The following XKR9 variants were observed in gnomAD, a reference collection of about 807,000 sequenced individuals.
The protein encoded by XKR9 is XK-related protein 9.
In XKR9, 32 loss-of-function variants were observed where a neutral mutation model predicts 32.0. The observed-to-expected ratio is 1.00, with a 90% CI of 0.76 to 1.34. The LOEUF is 1.34. Ranked by LOEUF, XKR9 falls within the 40% of genes most tolerant of loss-of-function variation. The pLI, the probability that XKR9 is intolerant of heterozygous loss-of-function variation, is 0.00. For synonymous variants in XKR9, 168 were observed against 143.4 expected (o/e 1.17, Z -1.22); for missense variants, 546 against 429.7 (o/e 1.27, Z -2.39).
chr8:70,844,392 G>C, the XKR9 span, among the ~76,000 whole-genome samples: 1 of 152,162 alleles, frequency 6.6e-6, no homozygotes, highest in Non-Finnish European at 1.5e-5. Context: ...TAACCCAAGA[G>C]CCTGAGAACT....
chr8:70,676,689 C>A (rs1425289312), intron 2 of XKR9, among the ~76,000 whole-genome samples: 2 of 152,100 alleles, frequency 1.3e-5, no homozygotes, highest in East Asian at 3.9e-4. Context: ...GGAAATTATT[C>A]TTTCCATCTT....
the XKR9 span, among the ~76,000 whole-genome samples, chr8:71,023,920 G>C: frequency 6.6e-6 from 1 of 152,192 alleles, no homozygotes; most frequent in African/African-American, 2.4e-5. Context: ...TGAGTGGCAT[G>C]CTTGGGCACT....
the XKR9 span, among the ~76,000 whole-genome samples, chr8:70,886,184 T>C: frequency 3.3e-5 from 5 of 152,214 alleles, no homozygotes; most frequent in African/African-American, 1.2e-4. Flanking sequence ...AATGATCGTT[T>C]CCAGCTTCAT....
the XKR9 span, among the ~76,000 whole-genome samples, chr8:70,833,028 A>G: frequency 6.6e-6 from 1 of 152,206 alleles, no homozygotes; most frequent in Non-Finnish European, 1.5e-5. Context: ...CTATATGATT[A>G]TCCTTTTGCA....
intron 4 of XKR9, among the ~76,000 whole-genome samples, chr8:70,732,657 G>T (rs979842566): frequency 6.6e-6 from 1 of 152,170 alleles, no homozygotes; most frequent in Non-Finnish European, 1.5e-5. Context: ...GCAGGAGACT[G>T]GAGTTTTTTT....
chr8:70,851,863 A>G, the XKR9 span, among the ~76,000 whole-genome samples: 3 of 152,264 alleles, frequency 2.0e-5, no homozygotes, highest in Non-Finnish European at 4.4e-5. Context: ...CATTCAGAGC[A>G]TAGGCATGGG....
the XKR9 span, among the ~76,000 whole-genome samples, chr8:70,908,401 C>T: frequency 2.0e-5 from 3 of 152,076 alleles, no homozygotes; most frequent in African/African-American, 7.2e-5. Context: ...CAGTGGTTCT[C>T]AACATTGACT....
chr8:70,700,794 C>A (rs1805497118), intron 3 of XKR9, among the ~76,000 whole-genome samples: 1 of 152,186 alleles, frequency 6.6e-6, no homozygotes, highest in Admixed American at 6.5e-5. Context: ...AGAGGTGGAG[C>A]CTACAGAGGC....
chr8:70,851,450 A>G, the XKR9 span, among the ~76,000 whole-genome samples: 8 of 152,194 alleles, frequency 5.3e-5, no homozygotes, highest in African/African-American at 1.9e-4. Flanking sequence ...TTCATATGGA[A>G]CCAAAAAAGA....
the XKR9 span, among the ~76,000 whole-genome samples, chr8:71,047,098 T>C: frequency 6.6e-6 from 1 of 152,240 alleles, no homozygotes; most frequent in Admixed American, 6.5e-5. Flanking sequence ...GTTAGATTTA[T>C]ATACAAACAA....
At chr8:71,052,296 G>A in the XKR9 span, among the ~76,000 whole-genome samples, 16 of 152,176 alleles carry the variant, frequency 1.1e-4, no homozygotes, top group African/African-American at 1.4e-4. Context: ...TATAGTTAGA[G>A]AGGCTGTCTT....
At chr8:70,703,005 C>T (rs1015944601) in intron 3 of XKR9, among the ~76,000 whole-genome samples, 2 of 152,064 alleles carry the variant, frequency 1.3e-5, no homozygotes, top group African/African-American at 2.4e-5. Context: ...CTCTATTTTT[C>T]AGGCTTTCTT....
chr8:70,866,379 A>G, the XKR9 span, among the ~76,000 whole-genome samples: 1 of 152,246 alleles, frequency 6.6e-6, no homozygotes, highest in South Asian at 2.1e-4. Context: ...GGGAAAAGCC[A>G]GCATATGGGG....
chr8:71,052,543 C>T, the XKR9 span, among the ~76,000 whole-genome samples: 1 of 152,148 alleles, frequency 6.6e-6, no homozygotes, highest in Non-Finnish European at 1.5e-5. Flanking sequence ...GTCACATTAG[C>T]CCATAGGAGG....
the XKR9 span, among the ~76,000 whole-genome samples, chr8:71,005,131 T>C: frequency 6.7e-6 from 1 of 148,750 alleles, no homozygotes; most frequent in Non-Finnish European, 1.5e-5. Context: ...GTGCCCAGCC[T>C]GATACCTTGA....
At chr8:70,869,046 G>T in the XKR9 span, among the ~76,000 whole-genome samples, 28 of 152,102 alleles carry the variant, frequency 1.8e-4, no homozygotes, top group African/African-American at 6.5e-4. Context: ...ATTTTCATCC[G>T]AGACCACCTC....
chr8:70,813,499 C>T, the XKR9 span, among the ~76,000 whole-genome samples: 1 of 152,006 alleles, frequency 6.6e-6, no homozygotes, highest in Non-Finnish European at 1.5e-5. Flanking sequence ...TCAGAGTGAA[C>T]AGGCAACCTA....
the XKR9 span, among the ~76,000 whole-genome samples, chr8:70,920,486 A>C: frequency 6.6e-6 from 1 of 152,170 alleles, no homozygotes; most frequent in Non-Finnish European, 1.5e-5. Flanking sequence ...TTTTGATCAT[A>C]AAAAATAACC....
At chr8:70,801,959 G>C in the XKR9 span, among the ~76,000 whole-genome samples, 1 of 149,572 alleles carries the variant, frequency 6.7e-6, no homozygotes, top group East Asian at 1.9e-4. Context: ...TTTTGAGATG[G>C]AGTCTTGCTC....
Sources: allele counts gnomAD v4.1 joint callset (sites outside exome capture counted in the v4.1 genomes callset), GRCh38; gene constraint gnomAD v4.1.1; transcripts MANE v1.5; gene names NCBI Gene and HGNC (gene_info 2026-07-23, HGNC 2026-07-21).